The following TULP3 variants were observed in gnomAD, a reference collection of about 807,000 sequenced individuals.
TULP3 encodes TUB like protein 3.
Under a neutral mutation model 50.7 loss-of-function variants are expected in TULP3, and 38 were observed. The ratio of observed to expected loss-of-function variants is 0.75; its 90% CI spans 0.58 to 0.98. TULP3 has a LOEUF of 0.98. TULP3 is among the 50% of genes least tolerant of loss of function. The pLI is 0.00. For synonymous variants in TULP3, 183 were observed against 196.6 expected (o/e 0.93, Z 0.58); for missense variants, 550 against 568.0 (o/e 0.97, Z 0.32).
rs369657092 is a variant in TULP3, at chr12:2,940,588, A to G, written c.*1144A>G. ...GTGAGCTCCACCGTCAGCACCATTC[A>G]GCTGCATCCCTTGTGCACAGAACTG... On this transcript the variant is annotated 3_prime_UTR_variant, in exon 11 of 11. Transcript: ENST00000448120. 30 of 1,551,618 alleles carry G rather than the reference A, an allele frequency of 1.9e-5. No homozygotes were observed. The highest frequency in any genetic ancestry group is 2.4e-5 in the Non-Finnish European group (28 of 1,146,996).
chr12:2,891,504 T>C (rs1007227780), intron 1 of TULP3, among the ~76,000 whole-genome samples: 1 of 152,316 alleles, frequency 6.6e-6, no homozygotes, highest in South Asian at 2.1e-4. Flanking sequence ...TTTCCAGTGT[T>C]TGTCCCTGAT....
rs2098191243 is a variant in TULP3 at position 2,920,807 on chromosome 12, A to G, written c.138A>G (p.Pro46=). The change falls in exon 3 of 11, where the codon CCA becomes CCG. Residue 46 remains proline, a synonymous_variant. Coordinates refer to ENST00000448120, the MANE Select transcript of TULP3 (RefSeq NM_003324.5). ...EKRQRKKRLE[P]FMVQPNPEAR... ...GGCAAAGGAAAAAGCGCCTTGAGCCATTTATGGTGCAGCCCAATCCAGAAG... is the reference window on the plus strand; with the variant it reads ...GGCAAAGGAAAAAGCGCCTTGAGCCGTTTATGGTGCAGCCCAATCCAGAAG... 2 of 1,614,058 alleles carry G rather than the reference A, an allele frequency of 1.2e-6. No individual in the cohort carries two copies. The highest frequency in any genetic ancestry group is 2.2e-5 in the East Asian group (1 of 44,886).
chr12:2,931,673 G>A (rs10774082), intron 6 of TULP3, among the ~76,000 whole-genome samples: 72,506 of 151,456 alleles, frequency 0.48, 17,788 homozygotes, highest in African/African-American at 0.6. Context: ...CACCCTAGAA[G>A]TTCTAATTTA....
chr12:2,907,462 G>A lies in TULP3; in HGVS notation c.42-2067G>A, dbSNP rs554640011. On this transcript the variant is annotated intron_variant, in intron 1 of 10. Transcript: ENST00000448120. ...TGCACTCCAGCCTGGGCGACAGAGTGAGACTCCGTCTCCAAAAAAAAAAAA... is the reference window on the plus strand; with the variant it reads ...TGCACTCCAGCCTGGGCGACAGAGTAAGACTCCGTCTCCAAAAAAAAAAAA... Among the ~76,000 whole-genome samples the A allele has an allele frequency of 3.7e-3, 424 of 115,594 alleles. 1 individual carries two copies. The highest frequency in any genetic ancestry group is 0.014 in the African/African-American group (398 of 28,316). The allele number at this position is 115,594 out of a possible 152,430, so 75.8% of individuals were successfully genotyped here.
rs941358442 is a variant in TULP3, at chr12:2,939,894, T to A, written c.*450T>A. The A allele has an allele frequency of 8.1e-7, 1 of 1,236,218 alleles. No homozygotes were observed. The highest frequency in any genetic ancestry group is 1.0e-6 in the Non-Finnish European group (1 of 960,022). The allele number at this position is 1,236,218 out of a possible 1,614,324, so 76.6% of individuals were successfully genotyped here. ...AGCTTAGCATGGGTGAGAGATGATT[T>A]AAAGCACAGGGAGATTCTTGTCACA... On this transcript the variant is annotated 3_prime_UTR_variant, in exon 11 of 11. Transcript: ENST00000448120. This position sits in a 1 kb window ranked among gnomAD's most constrained non-coding sequence, Gnocchi z 4.0.
chr12:2,923,928 T>C (rs1234806095), intron 4 of TULP3, among the ~76,000 whole-genome samples: 1 of 150,196 alleles, frequency 6.7e-6, no homozygotes, highest in African/African-American at 2.5e-5. Flanking sequence ...TGCACTAAGC[T>C]TGCGATTGCA....
rs144033598 is a variant in TULP3, at chr12:2,939,382, T to C, written c.1267T>C (p.Cys423Arg). The C allele has an allele frequency of 8.7e-5, 140 of 1,614,216 alleles. No individual in the cohort carries two copies. The Admixed American group carries it at 1.8e-3, about 20-fold the overall frequency. ...VFTLDYNYPL[C>R]AVQAFGIGLS... ...CACACTGGATTACAACTACCCACTT[T>C]GTGCAGTACAGGCCTTTGGCATCGG... Residue 423 changes from cysteine (C) to arginine (R), a missense_variant, in exon 11 of 11, where the codon TGT (cysteine) becomes CGT (arginine). Cys to Arg is a radical substitution (Grantham distance 180, BLOSUM62 -3). Transcript: ENST00000448120. This position sits in a 1 kb window ranked among gnomAD's most constrained non-coding sequence, Gnocchi z 4.0.
chr12:2,934,747 C>T (rs750185256), intron 8 of TULP3, among the ~76,000 whole-genome samples, 186 bp downstream of exon 8: 5 of 152,188 alleles, frequency 3.3e-5, no homozygotes, highest in African/African-American at 4.8e-5. Context: ...TTATTTTTCA[C>T]TCTCAGAACA....
chr12:2,935,752 C>A (rs1271615753), intron 8 of TULP3, among the ~76,000 whole-genome samples: 1 of 151,894 alleles, frequency 6.6e-6, no homozygotes, highest in Non-Finnish European at 1.5e-5. Context: ...GTGGGCAGAT[C>A]ACTTGAGCCC....
intron 4 of TULP3, among the ~76,000 whole-genome samples, chr12:2,927,366 A>ATTTTTCTTTTTT (rs2098195294): frequency 1.9e-5 from 2 of 105,194 alleles, no homozygotes; most frequent in Non-Finnish European, 3.7e-5. Context: ...GTTGAGACTG[A>ATTTTTCTTTTTT]TTTTTTTTTT....
chr12:2,891,610 A>G (rs1055378052), intron 1 of TULP3, among the ~76,000 whole-genome samples: 2 of 152,186 alleles, frequency 1.3e-5, no homozygotes, highest in South Asian at 2.1e-4. Flanking sequence ...AAAGGATCCA[A>G]AATCTCAGCG....
intron 1 of TULP3, among the ~76,000 whole-genome samples, chr12:2,893,327 GTTTTTT>G: frequency 7.8e-6 from 1 of 128,170 alleles, no homozygotes; most frequent in South Asian, 2.4e-4. Flanking sequence ...TGTTTAATGT[GTTTTTT>G]TTTTTTTTTT....
chr12:2,931,180 AATG>A lies in TULP3; in HGVS notation c.637_639del (p.Met213del). On this transcript the variant is annotated inframe_deletion, in exon 6 of 11. Coordinates refer to ENST00000448120, the MANE Select transcript of TULP3 (RefSeq NM_003324.5). Reference sequence around the variant, plus strand: ...GTCGGATAATCCGGGATAAAAGGGGAATGGATCGGGGTCTCTTCCCCACCTACT... The same window carrying A: ...GTCGGATAATCCGGGATAAAAGGGGAGATCGGGGTCTCTTCCCCACCTACT... 3 of 1,614,218 alleles carry A rather than the reference AATG, an allele frequency of 1.9e-6. No individual in the cohort carries two copies. Among genetic ancestry groups the A allele is most frequent in the Non-Finnish European group, 2.5e-6 (3 of 1,180,044 alleles).
chr12:2,911,530 AT>A (rs1438766596), intron 2 of TULP3, among the ~76,000 whole-genome samples: 1 of 148,016 alleles, frequency 6.8e-6, no homozygotes, highest in Non-Finnish European at 1.5e-5. Flanking sequence ...TTTATTTTTT[AT>A]TTTTTTTTAA....
intron 1 of TULP3, among the ~76,000 whole-genome samples, chr12:2,902,536 G>C (rs1234602492): frequency 6.6e-6 from 1 of 152,168 alleles, no homozygotes; most frequent in Non-Finnish European, 1.5e-5. Context: ...AAACACTCTT[G>C]ATTGTTTAGT....
chr12:2,893,327 G>GTTGT (rs1555110456), intron 1 of TULP3, among the ~76,000 whole-genome samples: 14 of 128,162 alleles, frequency 1.1e-4, no homozygotes, highest in Admixed American at 9.8e-4. Context: ...TGTTTAATGT[G>GTTGT]TTTTTTTTTT....
intron 1 of TULP3, among the ~76,000 whole-genome samples, chr12:2,896,467 C>T (rs1171963916): frequency 6.6e-6 from 1 of 152,132 alleles, no homozygotes; most frequent in African/African-American, 2.4e-5. Context: ...CGTGTTCAGT[C>T]GTGTGGTTTA....
chr12:2,925,171 C>CAA (rs891081144), intron 4 of TULP3, among the ~76,000 whole-genome samples: 1 of 137,974 alleles, frequency 7.2e-6, no homozygotes, highest in Non-Finnish European at 1.6e-5. Context: ...CCGTCCGTCT[C>CAA]AAAAAAAAAA....
chr12:2,932,692 G>T (rs551821122), intron 6 of TULP3, among the ~76,000 whole-genome samples: 1 of 151,730 alleles, frequency 6.6e-6, no homozygotes, highest in Non-Finnish European at 1.5e-5. Flanking sequence ...AACATTGATT[G>T]TTATTTATTT....
Sources: gnomAD v4.1 joint callset for allele counts (sites outside exome capture counted in the v4.1 genomes callset) on GRCh38, gnomAD v4.1.1 for gene constraint, Gnocchi (gnomAD v3.1) non-coding constraint, MANE v1.5 for transcripts, NCBI Gene and HGNC (gene_info 2026-07-23, HGNC 2026-07-21) for gene names.